Variants in DDX31 observed in about 807,000 individuals in gnomAD.
DDX31 encodes the protein ATP-dependent DNA helicase DDX31.
In DDX31, 70 loss-of-function variants were observed where a neutral mutation model predicts 91.3. The observed-to-expected ratio is 0.77, with a 90% CI of 0.63 to 0.94. The LOEUF is 0.94. Among genes scored for constraint, DDX31 ranks in the 40% least tolerant of loss-of-function variants. DDX31 has a pLI of 0.00. For missense variants in DDX31, 902 were observed against 925.0 expected, an observed-to-expected ratio of 0.98 and a Z score of 0.32; for synonymous variants, 362 against 350.6, an observed-to-expected ratio of 1.03 and a Z score of -0.36.
At chr9:132,664,461 C>G (rs762046101) in intron 1 of DDX31, among the ~76,000 whole-genome samples, 13 of 152,120 alleles carry the variant, frequency 8.5e-5, no homozygotes, top group Non-Finnish European at 1.3e-4. Context: ...GTAATCCCAG[C>G]ACTTTGTGAG....
chr9:132,647,600 TAAATCAA>T (rs1833918075), intron 11 of DDX31, among the ~76,000 whole-genome samples: 1 of 152,098 alleles, frequency 6.6e-6, no homozygotes, highest in Non-Finnish European at 1.5e-5. Context: ...TGTGGCCTAG[TAAATCAA>T]GGAAACCAGA....
At chr9:132,622,013 A>T (rs1832061072) in intron 17 of DDX31, among the ~76,000 whole-genome samples, 1 of 138,214 alleles carries the variant, frequency 7.2e-6, no homozygotes, top group South Asian at 2.4e-4. Context: ...AAAAAAAAAA[A>T]TCACCAAACC....
At position 132,638,942 on chromosome 9, in the gene DDX31, T is replaced by C. The variant is rs544778244; in HGVS notation, c.1440+3062A>G. On this transcript the variant is annotated intron_variant, in intron 14 of 19. Coordinates refer to ENST00000372159, the MANE Select transcript of DDX31 (RefSeq NM_022779.9). ...TAAATTAAAATGGCAAAAGGCACAGTATAAAGGGGGGAAAATCCCCATGTA... is the reference window on the plus strand; with the variant it reads ...TAAATTAAAATGGCAAAAGGCACAGCATAAAGGGGGGAAAATCCCCATGTA... Among the ~76,000 whole-genome samples the C allele has an allele frequency of 3.3e-5, 5 of 152,064 alleles. No individual in the cohort carries two copies. The East Asian group carries it at 9.7e-4, about 29-fold the overall frequency.
intron 14 of DDX31, among the ~76,000 whole-genome samples, chr9:132,632,566 C>CGCCCACAA (rs917624319): frequency 1.3e-5 from 2 of 152,148 alleles, no homozygotes; most frequent in African/African-American, 4.8e-5. Flanking sequence ...TATCACCCCC[C>CGCCCACAA]GCCCACAACC....
chr9:132,662,182 G>A, intron 3 of DDX31, 79 bp downstream of exon 3: 1 of 1,375,060 alleles, frequency 7.3e-7, no homozygotes, highest in Non-Finnish European at 1.0e-6. Context: ...TCTCCTCCTA[G>A]AGCGGCCATT....
At chr9:132,622,581 G>A (rs921044085) in intron 17 of DDX31, among the ~76,000 whole-genome samples, 3 of 152,210 alleles carry the variant, frequency 2.0e-5, no homozygotes, top group East Asian at 1.9e-4. Flanking sequence ...ATCTGCACTC[G>A]GGGATAAAGA....
chr9:132,605,526 C>A (rs1187904064), intron 19 of DDX31, among the ~76,000 whole-genome samples: 4 of 152,082 alleles, frequency 2.6e-5, no homozygotes, highest in Non-Finnish European at 5.9e-5. Context: ...ACGCAACCTG[C>A]ACGATGAGCA....
chr9:132,665,404 A>C (rs1047350374), intron 1 of DDX31, among the ~76,000 whole-genome samples: 3 of 152,204 alleles, frequency 2.0e-5, no homozygotes, highest in Non-Finnish European at 2.9e-5. Flanking sequence ...CAAAAGTATA[A>C]AGGCATAAAT....
At chr9:132,634,817 C>A (rs1036883313) in intron 14 of DDX31, among the ~76,000 whole-genome samples, 2 of 152,032 alleles carry the variant, frequency 1.3e-5, no homozygotes, top group South Asian at 2.1e-4. Flanking sequence ...GCGATCCCCC[C>A]ATCCCAGCCT....
rs112301126 is a variant in DDX31, at chr9:132,630,104, T to C, written c.1631+160A>G. ...TGAAAACTGTCATGTGCTGAGGATA[T>C]TAAAGGTTTTAGTTTTTGCCACTGG... On this transcript the variant is annotated intron_variant, in intron 16 of 19. Transcript: ENST00000372159. Among the ~76,000 whole-genome samples the C allele has an allele frequency of 7.1e-3, 1,085 of 152,354 alleles. 14 individuals are homozygous for C. The highest frequency in any genetic ancestry group is 0.025 in the African/African-American group (1,032 of 41,570).
intron 13 of DDX31, among the ~76,000 whole-genome samples, chr9:132,642,883 T>A (rs1306765662): frequency 6.6e-6 from 1 of 151,834 alleles, no homozygotes; most frequent in African/African-American, 2.4e-5. Context: ...CCAGGCTCAC[T>A]GCACAATCTC....
At chr9:132,620,899 G>C (rs920026878) in intron 17 of DDX31, among the ~76,000 whole-genome samples, 3 of 152,186 alleles carry the variant, frequency 2.0e-5, no homozygotes, top group Non-Finnish European at 4.4e-5. Flanking sequence ...TGGACCATGG[G>C]TAGTTTAGAA....
intron 19 of DDX31, among the ~76,000 whole-genome samples, chr9:132,602,236 C>T (rs1207328579): frequency 1.3e-5 from 2 of 152,206 alleles, no homozygotes; most frequent in Admixed American, 1.3e-4. Context: ...GGCACTGGGA[C>T]GCCAGGGGTG....
rs192621849 is a variant in DDX31, at chr9:132,661,648, A to G, written c.409-397T>C. On this transcript the variant is annotated intron_variant, in intron 3 of 19. Transcript: ENST00000372159. ...GTGAGAAAACAAGTTTAGGTAACCC[A>G]CCCTACAGAAGGGGTAGTAAGCTGT... Among the ~76,000 whole-genome samples, 544 of 152,206 alleles carry G rather than the reference A, an allele frequency of 3.6e-3. 5 individuals are homozygous for G. The highest frequency in any genetic ancestry group is 0.012 in the African/African-American group (515 of 41,508).
At chr9:132,632,191 C>T (rs539591761) in intron 14 of DDX31, 100 bp from the exon 15 acceptor site, 13 of 963,900 alleles carry the variant, frequency 1.3e-5, no homozygotes, top group East Asian at 9.3e-5. Context: ...AGAGTTCACC[C>T]GCCCACAGTA....
intron 1 of DDX31, among the ~76,000 whole-genome samples, chr9:132,668,385 C>CA (rs889217517): frequency 2.6e-5 from 4 of 152,008 alleles, no homozygotes; most frequent in African/African-American, 7.2e-5. Flanking sequence ...GAAAGCTCTT[C>CA]AAAAAAACTC....
At chr9:132,637,640 C>T (rs919972702) in intron 14 of DDX31, among the ~76,000 whole-genome samples, 5 of 152,190 alleles carry the variant, frequency 3.3e-5, no homozygotes, top group Admixed American at 3.3e-4. Context: ...AGGGTCCAGG[C>T]CCCCGTTGTC....
At chr9:132,652,636 G>T in intron 6 of DDX31, 144 bp from the exon 7 acceptor site, 2 of 1,016,042 alleles carry the variant, frequency 2.0e-6, no homozygotes, top group Non-Finnish European at 2.9e-6. Flanking sequence ...CCACTGATGT[G>T]GTCTGGCTGT....
Position 132,660,418 on chromosome 9 carries a change from A to C in DDX31, c.453-638T>G, listed in dbSNP as rs145053327. ...AAGTGTATCACACACTCTTGCCCTC[A>C]CTAACAGGAATATGAAACACAACGA... On this transcript the variant is annotated intron_variant, in intron 4 of 19. Coordinates refer to ENST00000372159, the MANE Select transcript of DDX31 (RefSeq NM_022779.9). 1.6e-4 allele frequency among the ~76,000 whole-genome samples: 25 copies of C among 152,236 alleles called. No homozygotes were observed. In the East Asian group the frequency reaches 4.4e-3, roughly 27 times the overall value.
Sources: allele counts gnomAD v4.1 joint callset (sites outside exome capture counted in the v4.1 genomes callset), GRCh38; gene constraint gnomAD v4.1.1; transcripts MANE v1.5; gene names NCBI Gene and HGNC (gene_info 2026-07-23, HGNC 2026-07-21).